Variants in IFT140 observed in about 807,000 individuals in gnomAD.
IFT140 encodes the protein intraflagellar transport protein 140 homolog.
IFT140 carries 133 observed loss-of-function variants against 164.6 expected under a neutral mutation model. The observed-to-expected ratio is 0.81, with a 90% CI of 0.70 to 0.93. IFT140 has a LOEUF of 0.93. Among genes scored for constraint, IFT140 ranks in the 40% least tolerant of loss-of-function variants. The probability of loss-of-function intolerance (pLI) is 0.00; values close to 1 mark genes in which losing one functional copy is unlikely to be tolerated. For synonymous variants in IFT140, 860 were observed against 817.3 expected, an observed-to-expected ratio of 1.05 and a Z score of -0.89; for missense variants, 2,045 against 1,972.3, an observed-to-expected ratio of 1.04 and a Z score of -0.70.
intron 19 of IFT140, 93 bp from the exon 20 acceptor site, chr16:1,526,889 G>T: frequency 7.3e-7 from 1 of 1,372,016 alleles, no homozygotes; most frequent in Non-Finnish European, 9.8e-7. Flanking sequence ...TAGTCATCAG[G>T]CACAGCTGCC....
At chr16:1,515,726 T>C (rs1393358930) in intron 30 of IFT140, among the ~76,000 whole-genome samples, 1 of 152,114 alleles carries the variant, frequency 6.6e-6, no homozygotes, top group Non-Finnish European at 1.5e-5. Context: ...GAGAACAACC[T>C]TGAAGAATAC....
Position 1,571,374 on chromosome 16 carries a change from A to G in IFT140, c.1652+33T>C, listed in dbSNP as rs770611355. 7 of 1,603,804 alleles carry G rather than the reference A, an allele frequency of 4.4e-6. No homozygotes were observed. The South Asian group carries it at 4.5e-5, about 10-fold the overall frequency. On this transcript the variant is annotated intron_variant, in intron 14 of 30. Transcript: ENST00000426508. ...CACTGTCTCCTGACTGACTAAAAAAATGTTCACACTTCTATTTGGAAAAAA... is the reference window on the plus strand; with the variant it reads ...CACTGTCTCCTGACTGACTAAAAAAGTGTTCACACTTCTATTTGGAAAAAA...
intron 19 of IFT140, among the ~76,000 whole-genome samples, chr16:1,529,027 C>G (rs1453202864): frequency 2.0e-5 from 3 of 152,190 alleles, no homozygotes; most frequent in Non-Finnish European, 2.9e-5. Context: ...GTGTCTGAGT[C>G]TAGGGGCTGG....
chr16:1,586,566 G>C (rs984769372), intron 9 of IFT140, among the ~76,000 whole-genome samples: 3 of 152,136 alleles, frequency 2.0e-5, no homozygotes, highest in African/African-American at 7.2e-5. Context: ...ACGCGGCTCT[G>C]GCTCACCTCC....
At chr16:1,561,323 G>A (rs2033395292) in intron 18 of IFT140, among the ~76,000 whole-genome samples, 1 of 152,234 alleles carries the variant, frequency 6.6e-6, no homozygotes, top group Non-Finnish European at 1.5e-5. Context: ...AGGGACCTTG[G>A]AGACACGGGG....
At chr16:1,567,974 C>T (rs1416171407) in intron 15 of IFT140, among the ~76,000 whole-genome samples, 2 of 152,186 alleles carry the variant, frequency 1.3e-5, no homozygotes, top group Non-Finnish European at 2.9e-5. Flanking sequence ...TGGAGAAAGG[C>T]AGGGGACAGA....
At chr16:1,592,395 C>A in intron 5 of IFT140, 72 bp downstream of exon 5, 1 of 1,610,756 alleles carries the variant, frequency 6.2e-7, no homozygotes, top group Non-Finnish European at 8.5e-7. Flanking sequence ...CCTCCTGGGT[C>A]AGGAGCAGCC....
chr16:1,553,068 A>C lies in IFT140; in HGVS notation c.2399+4867T>G. 1 of 985,484 alleles carries C rather than the reference A, an allele frequency of 1.0e-6. No individual in the cohort carries two copies. Among genetic ancestry groups the C allele is most frequent in the Non-Finnish European group, 1.2e-6 (1 of 829,944 alleles). The allele number at this position is 985,484 out of a possible 1,614,324, so 61.0% of individuals were successfully genotyped here. A position where few individuals can be genotyped will look rare whatever the true frequency, so the allele number is the denominator to read the frequency against. ...CCAGTCACTGTCATTGTTCAGGACA[A>C]AATGGAGATAGATAAATGCTTAATT... On this transcript the variant is annotated intron_variant, in intron 19 of 30. Coordinates refer to ENST00000426508, the MANE Select transcript of IFT140 (RefSeq NM_014714.4). This position sits in a 1 kb window ranked among gnomAD's most constrained non-coding sequence, Gnocchi z 4.4.
At chr16:1,543,653 C>T (rs1339302786) in intron 19 of IFT140, among the ~76,000 whole-genome samples, 2 of 152,222 alleles carry the variant, frequency 1.3e-5, no homozygotes, top group Admixed American at 1.3e-4. Context: ...ACTGTAAGAA[C>T]GAATGAGACA....
intron 2 of IFT140, among the ~76,000 whole-genome samples, chr16:1,608,631 C>CA (rs10675170): frequency 0.47 from 38,946 of 83,342 alleles, 7,843 homozygotes; most frequent in Middle Eastern, 0.53. Flanking sequence ...GACTCCGCCT[C>CA]AAAAAAAAAA....
At chr16:1,586,955 C>T (rs925467987) in intron 9 of IFT140, among the ~76,000 whole-genome samples, 4 of 152,222 alleles carry the variant, frequency 2.6e-5, no homozygotes, top group Non-Finnish European at 5.9e-5. Flanking sequence ...GATCCTCCCT[C>T]CTCAGCCTCC....
At chr16:1,556,657 A>C (rs2033103965) in intron 19 of IFT140, among the ~76,000 whole-genome samples, 2 of 152,226 alleles carry the variant, frequency 1.3e-5, no homozygotes, top group African/African-American at 4.8e-5. Context: ...CTCAGCACAC[A>C]GCGTAGAAAT....
intron 3 of IFT140, among the ~76,000 whole-genome samples, chr16:1,604,926 T>C (rs1315173716): frequency 3.3e-5 from 5 of 151,264 alleles, no homozygotes; most frequent in African/African-American, 9.7e-5. Flanking sequence ...GAGCAGGAGA[T>C]ATGAGGCAGG....
rs538913453 is a variant in IFT140 at position 1,575,812 on chromosome 16, C to T, written c.1525-4278G>A. Among the ~76,000 whole-genome samples, 235 of 152,024 alleles carry T rather than the reference C, an allele frequency of 1.5e-3. 3 individuals carry two copies. Among genetic ancestry groups the T allele is most frequent in the African/African-American group, 5.5e-3 (227 of 41,466 alleles). On this transcript the variant is annotated intron_variant, in intron 13 of 30. Coordinates refer to ENST00000426508, the MANE Select transcript of IFT140 (RefSeq NM_014714.4). ...AGGCCATTCACTCTTTCCCATCATG[C>T]CACTGGCCCTCTCCCAGAAGCCCAT...
At chr16:1,542,153 C>A (rs1800902478) in intron 19 of IFT140, 2 of 1,425,100 alleles carry the variant, frequency 1.4e-6, no homozygotes, top group Admixed American at 2.7e-5. Flanking sequence ...GTCCTGAGGC[C>A]TTGGGTGGCC....
intron 12 of IFT140, among the ~76,000 whole-genome samples, chr16:1,581,738 G>C (rs1477649824): frequency 8.7e-6 from 1 of 114,480 alleles, no homozygotes; most frequent in African/African-American, 3.4e-5. Context: ...GGGGAGGAGC[G>C]GGGGAGGGGA....
intron 19 of IFT140, chr16:1,557,468 C>G (rs1057441028): frequency 6.2e-6 from 1 of 161,976 alleles, no homozygotes; most frequent in African/African-American, 2.4e-5. Flanking sequence ...ACCCTTTGGA[C>G]ATTAAAATCT....
intron 13 of IFT140, among the ~76,000 whole-genome samples, chr16:1,574,910 C>T (rs749345380): frequency 2.2e-4 from 34 of 152,198 alleles, no homozygotes; most frequent in Non-Finnish European, 3.1e-4. Flanking sequence ...GTCCCTGACA[C>T]AAACACTAAC....
At position 1,525,870 on chromosome 16, in the gene IFT140, G is replaced by A. The variant is rs373280850; in HGVS notation, c.2768+17C>T. ...CATCCAGAGAGGCAGGGAAGAGGCC[G>A]CGAGGGCCGCACTCACTAACTGAGG... On this transcript the variant is annotated intron_variant, in intron 21 of 30. Transcript: ENST00000426508. 65 of 1,509,844 alleles carry A rather than the reference G, an allele frequency of 4.3e-5. No homozygotes were observed. The African/African-American group carries it at 5.5e-4, about 13-fold the overall frequency. The allele number at this position is 1,509,844 out of a possible 1,614,324, so 93.5% of individuals were successfully genotyped here. A position where few individuals can be genotyped will look rare whatever the true frequency, so the allele number is the denominator to read the frequency against.
Sources: gnomAD v4.1 joint callset for allele counts (sites outside exome capture counted in the v4.1 genomes callset) on GRCh38, gnomAD v4.1.1 for gene constraint, Gnocchi (gnomAD v3.1) non-coding constraint, MANE v1.5 for transcripts, NCBI Gene and HGNC (gene_info 2026-07-23, HGNC 2026-07-21) for gene names.